EXOC1: variants seen among roughly 807,000 people sequenced by gnomAD.
EXOC1 encodes the protein SEC3-like 1.
Under a neutral mutation model 107.7 loss-of-function variants are expected in EXOC1, and 67 were observed. The ratio of observed to expected loss-of-function variants is 0.62; its 90% CI spans 0.51 to 0.76. The LOEUF is 0.76. Among genes scored for constraint, EXOC1 ranks in the 30% least tolerant of loss-of-function variants. The pLI, the probability that EXOC1 is intolerant of heterozygous loss-of-function variation, is 0.00. For missense variants in EXOC1, 833 were observed against 1,055.7 expected, an observed-to-expected ratio of 0.79 and a Z score of 2.92; for synonymous variants, 348 against 353.5, an observed-to-expected ratio of 0.98 and a Z score of 0.17.
Position 55,864,279 on chromosome 4 carries a change from GC to G in EXOC1, c.309del (p.Ser103ArgfsTer16). 1 of 1,606,686 alleles carries G rather than the reference GC, an allele frequency of 6.2e-7. No homozygotes were observed. Among genetic ancestry groups the G allele is most frequent in the East Asian group, 2.2e-5 (1 of 44,622 alleles). On this transcript the variant is annotated frameshift_variant, in exon 4 of 19. Coordinates refer to ENST00000381295, the MANE Select transcript of EXOC1 (RefSeq NM_001024924.2). LOFTEE classifies it high-confidence loss of function. ...HFEKIYKWVA[S>X]STAEKNAFIS... ...GAAAAAATATATAAATGGGTTGCCA[GC>G]AGCACTGCTGAAAAGAATGCATTTA...
chr4:55,867,564 CA>C (rs5858354), intron 4 of EXOC1, among the ~76,000 whole-genome samples: 2,805 of 131,570 alleles, frequency 0.021, 70 homozygotes, highest in African/African-American at 0.066. Context: ...TGTATTTCCT[CA>C]AAAAAAAAAA....
chr4:55,900,856 C>T (rs539541380), intron 17 of EXOC1, among the ~76,000 whole-genome samples: 19 of 151,884 alleles, frequency 1.3e-4, no homozygotes, highest in African/African-American at 4.3e-4. Context: ...CCAGCCTGGG[C>T]GACAGAGCAA....
intron 1 of EXOC1, among the ~76,000 whole-genome samples, chr4:55,857,514 A>G (rs887803493): frequency 2.6e-5 from 4 of 152,156 alleles, no homozygotes; most frequent in African/African-American, 9.7e-5. Flanking sequence ...TTGTATGGAT[A>G]TACCACATTT....
intron 8 of EXOC1, chr4:55,875,603 TAGA>T (rs770376921): frequency 2.5e-5 from 25 of 985,318 alleles, no homozygotes; most frequent in Middle Eastern, 1.0e-3. Context: ...TAAACAGTAG[TAGA>T]AGAACATAGA....
rs188636415 is a variant in EXOC1 at position 55,858,846 on chromosome 4, T to C, written c.124+399T>C. On this transcript the variant is annotated intron_variant, in intron 2 of 18. Coordinates refer to ENST00000381295, the MANE Select transcript of EXOC1 (RefSeq NM_001024924.2). The stretch of plus-strand genomic sequence containing the variant: ...TTTTGTTGGTTGTATGCATCCCAGT[T>C]AGTGGCTTGTCTTTTCACTTTTTAT... Among the ~76,000 whole-genome samples the C allele has an allele frequency of 8.5e-5, 13 of 152,316 alleles. 1 individual carries two copies. The highest frequency in any genetic ancestry group is 8.5e-4 in the Admixed American group (13 of 15,312).
rs927625409 is a variant in EXOC1, at chr4:55,877,980, C to T, written c.1138C>T (p.Pro380Ser). 6.2e-7 allele frequency: 1 copy of T among 1,613,696 alleles called. No individual in the cohort carries two copies. The highest frequency in any genetic ancestry group is 8.5e-7 in the Non-Finnish European group (1 of 1,179,884). The change falls in exon 9 of 19, where the codon CCA becomes TCA. Residue 380 changes from proline (P) to serine (S), a missense_variant. Pro to Ser is a moderately conservative substitution (Grantham distance 74). Coordinates refer to ENST00000381295, the MANE Select transcript of EXOC1 (RefSeq NM_001024924.2). ...TGAACTGACTTTACCCAATCATCAT[C>T]CATTTCATAGAGATTTGCTCCGATA... ...SVELTLPNHH[P>S]FHRDLLRYAK...
chr4:55,871,046 GC>G (rs1196560123), intron 6 of EXOC1, 54 bp from the exon 7 acceptor site: 18 of 1,596,536 alleles, frequency 1.1e-5, no homozygotes, highest in African/African-American at 1.3e-5. Flanking sequence ...ATAGCATCTT[GC>G]CTGTAAATTT....
At chr4:55,868,204 T>C (rs1722125967) in intron 4 of EXOC1, 132 bp from the exon 5 acceptor site, 1 of 532,030 alleles carries the variant, frequency 1.9e-6, no homozygotes, top group East Asian at 3.5e-5. Flanking sequence ...TTTCATATCA[T>C]TTGAATCATT....
chr4:55,886,175 G>A (rs1723854500), intron 10 of EXOC1, among the ~76,000 whole-genome samples: 1 of 152,068 alleles, frequency 6.6e-6, no homozygotes, highest in Admixed American at 6.6e-5. Context: ...GTTTAAGGTA[G>A]GCTAGGCCTC....
At chr4:55,867,107 ATTTG>A (rs745920374) in intron 4 of EXOC1, among the ~76,000 whole-genome samples, 9 of 152,218 alleles carry the variant, frequency 5.9e-5, no homozygotes, top group African/African-American at 4.8e-5. Context: ...CATGTAAAAT[ATTTG>A]TTTAAGTCTA....
chr4:55,866,790 A>G, intron 4 of EXOC1: 1 of 864,542 alleles, frequency 1.2e-6, no homozygotes, highest in Non-Finnish European at 1.4e-6. Context: ...GTATTTTAAA[A>G]ATTTAAGCCT....
Position 55,858,390 on chromosome 4 carries a change from A to C in EXOC1, c.67A>C (p.Ile23Leu), listed in dbSNP as rs931764347. The change falls in exon 2 of 19, where the codon ATT becomes CTT. Residue 23 changes from isoleucine to leucine, a missense_variant. This residue lies in a region of EXOC1 where 617 missense variants were observed against 701.3 expected (regional missense o/e 0.88). Coordinates refer to ENST00000381295, the MANE Select transcript of EXOC1 (RefSeq NM_001024924.2). ...ACCAAATGATGAACGCCTGCTGAGC[A>C]TTGTGAATGTCTGCAAAGCAGGAAA... The part of the protein sequence containing the change: ...FTPNDERLLS[I>L]VNVCKAGKKK... The C allele has an allele frequency of 9.3e-6, 15 of 1,611,250 alleles. No individual in the cohort carries two copies. The highest frequency in any genetic ancestry group is 1.3e-5 in the Non-Finnish European group (15 of 1,178,768).
chr4:55,887,281 G>A (rs1723982409), intron 10 of EXOC1, among the ~76,000 whole-genome samples: 1 of 151,816 alleles, frequency 6.6e-6, no homozygotes, highest in South Asian at 2.1e-4. Context: ...TTGTTTCTCC[G>A]CTAAACTAGG....
At position 55,857,168 on chromosome 4, in the gene EXOC1, C is replaced by CTT. The variant is rs71192052; in HGVS notation, c.-10-1120_-10-1119dup. 4.9e-4 allele frequency among the ~76,000 whole-genome samples: 32 copies of CTT among 65,764 alleles called. 2 individuals carry two copies. Among genetic ancestry groups the CTT allele is most frequent in the Non-Finnish European group, 5.9e-4 (22 of 37,060 alleles). 43.1% of individuals were successfully genotyped at this position (65,764 alleles called of 152,430 possible). On this transcript the variant is annotated intron_variant, in intron 1 of 18. Coordinates refer to ENST00000381295, the MANE Select transcript of EXOC1 (RefSeq NM_001024924.2). ...TTTCATTACTTCATTTCCTTTTTTT[C>CTT]TTTTTTTTTTTTTTTTTTTTTTTTT...
Position 55,868,529 on chromosome 4 carries a change from A to C in EXOC1, c.603+6A>C. The C allele has an allele frequency of 6.2e-7, 1 of 1,611,852 alleles. No homozygotes were observed. Among genetic ancestry groups the C allele is most frequent in the South Asian group, 1.1e-5 (1 of 90,886 alleles). On this transcript the variant is annotated splice_donor_region_variant and intron_variant, in intron 5 of 18. Coordinates refer to ENST00000381295, the MANE Select transcript of EXOC1 (RefSeq NM_001024924.2). ...AGCTGCAGGTGCTAGATGGGGTAAG[A>C]CTTTCCTGAATTCTATGAATAAGTG...
intron 15 of EXOC1, among the ~76,000 whole-genome samples, chr4:55,896,325 T>A (rs1161877884): frequency 6.6e-6 from 1 of 152,080 alleles, no homozygotes; most frequent in Non-Finnish European, 1.5e-5. Flanking sequence ...AATTTTTTTT[T>A]GTATTTTTTG....
intron 17 of EXOC1, 49 bp downstream of exon 17, chr4:55,899,933 A>G (rs570946528): frequency 4.7e-5 from 68 of 1,458,832 alleles, no homozygotes; most frequent in Admixed American, 8.0e-5. Context: ...ACCTATACAC[A>G]TAAGTTTGCA....
intron 11 of EXOC1, among the ~76,000 whole-genome samples, chr4:55,889,579 C>T (rs964693898): frequency 2.6e-5 from 4 of 151,958 alleles, no homozygotes; most frequent in Non-Finnish European, 4.4e-5. Context: ...TTAAATATAA[C>T]GAGTTTTCAG....
At chr4:55,881,522 C>T (rs1385097965) in intron 9 of EXOC1, among the ~76,000 whole-genome samples, 4 of 152,158 alleles carry the variant, frequency 2.6e-5, no homozygotes, top group East Asian at 3.9e-4. Context: ...CAAGGTGGTC[C>T]GAGCACACCT....
Sources: allele counts gnomAD v4.1 joint callset (sites outside exome capture counted in the v4.1 genomes callset), GRCh38; gene constraint gnomAD v4.1.1; regional missense constraint gnomAD v4.1.1; transcripts MANE v1.5; gene names NCBI Gene and HGNC (gene_info 2026-07-23, HGNC 2026-07-21).